The following SLC6A16 variants were observed in gnomAD, a reference collection of about 807,000 sequenced individuals.
SLC6A16 encodes orphan sodium- and chloride-dependent neurotransmitter transporter NTT5.
In SLC6A16, 54 loss-of-function variants were observed where a neutral mutation model predicts 65.4. The ratio of observed to expected loss-of-function variants is 0.83; its 90% CI spans 0.66 to 1.04. The LOEUF is 1.04. Ranked by LOEUF, SLC6A16 falls within the 50% of genes least tolerant of loss-of-function variation. The pLI, the probability that SLC6A16 is intolerant of heterozygous loss-of-function variation, is 0.00. For synonymous variants in SLC6A16, 330 were observed against 346.5 expected (o/e 0.95, Z 0.53); for missense variants, 816 against 914.0 (o/e 0.89, Z 1.38).
intron 1 of SLC6A16, among the ~76,000 whole-genome samples, chr19:49,322,317 T>G (rs1970725083): frequency 6.6e-6 from 1 of 152,136 alleles, no homozygotes; most frequent in African/African-American, 2.4e-5. Flanking sequence ...CAATTCCATT[T>G]GTAATAGCAT....
chr19:49,328,289 G>A (rs1198342606), upstream of SLC6A16, among the ~76,000 whole-genome samples: 1 of 152,118 alleles, frequency 6.6e-6, no homozygotes, highest in Admixed American at 6.5e-5. Flanking sequence ...AAGGAGGGAA[G>A]AGCCCCTTAT....
In SLC6A16 at chr19:49,325,176, C is replaced by G. The variant is rs894010515; in HGVS notation, c.-193G>C. On this transcript the variant is annotated 5_prime_UTR_variant, in exon 1 of 12. Coordinates refer to ENST00000335875, the MANE Select transcript of SLC6A16 (RefSeq NM_014037.3). ...TCAGGCGTCGACAGATCGGTTTGGG[C>G]GACACCCCTCGATCTGCCTGGCGCG... is the stretch of plus-strand genomic sequence containing the variant. 3 of 985,338 alleles carry G rather than the reference C, an allele frequency of 3.0e-6. No individual in the cohort carries two copies. In the African/African-American group the frequency reaches 5.2e-5, roughly 17 times the overall value. The allele number at this position is 985,338 out of a possible 1,614,324, so 61.0% of individuals were successfully genotyped here. A position where few individuals can be genotyped will look rare whatever the true frequency, so the allele number is the denominator to read the frequency against.
At chr19:49,304,013 G>A (rs1227268475) in intron 7 of SLC6A16, among the ~76,000 whole-genome samples, 1 of 152,192 alleles carries the variant, frequency 6.6e-6, no homozygotes, top group Non-Finnish European at 1.5e-5. Flanking sequence ...GGCTACAAGA[G>A]TTTGACACTG....
At chr19:49,323,986 T>C (rs1417578764) in intron 1 of SLC6A16, among the ~76,000 whole-genome samples, 1 of 152,118 alleles carries the variant, frequency 6.6e-6, no homozygotes, top group Non-Finnish European at 1.5e-5. Flanking sequence ...GAGGTGATCA[T>C]GCCACTGGAC....
intron 2 of SLC6A16, 52 bp downstream of exon 2, chr19:49,310,881 C>T: frequency 7.5e-7 from 1 of 1,332,276 alleles, no homozygotes; most frequent in East Asian, 2.3e-5. Context: ...CTGGACAGGA[C>T]TCTGTCCTGA....
the SLC6A16 span, chr19:49,335,275 A>C: frequency 1.6e-5 from 8 of 503,582 alleles, no homozygotes; most frequent in Admixed American, 7.4e-5. This position sits in a 1 kb window ranked among gnomAD's most constrained non-coding sequence, Gnocchi z 4.6. Context: ...TGGTGCCCAC[A>C]AATTCCAAGG....
intron 1 of SLC6A16, among the ~76,000 whole-genome samples, chr19:49,317,544 C>T (rs353981): frequency 0.43 from 65,779 of 151,834 alleles, 15,197 homozygotes; most frequent in Admixed American, 0.55. Context: ...CCGTGGCTCA[C>T]GCCTGTAATC....
chr19:49,337,894 A>G, the SLC6A16 span: 1 of 1,613,344 alleles, frequency 6.2e-7, no homozygotes, highest in Non-Finnish European at 8.5e-7. Context: ...GGCGGGGAAG[A>G]TAAGGCCCAG....
chr19:49,300,579 C>G (rs1018767069), intron 7 of SLC6A16, among the ~76,000 whole-genome samples: 13 of 151,798 alleles, frequency 8.6e-5, no homozygotes, highest in African/African-American at 3.1e-4. Flanking sequence ...TGATAAATAA[C>G]TACTAAGTCA....
upstream of SLC6A16, chr19:49,325,256 C>G: frequency 2.0e-6 from 2 of 985,432 alleles, no homozygotes; most frequent in Non-Finnish European, 2.4e-6. Context: ...TCACTCTTTC[C>G]CTACAGCTGT....
rs116030190 is a variant in SLC6A16, at chr19:49,292,014, C to T, written c.1778+1209G>A. ...AGCTCTACCTTCCAGAATCAGACCA[C>T]TTCTCTTAATCCACAACTCTTCTAC... On this transcript the variant is annotated intron_variant, in intron 10 of 11. Coordinates refer to ENST00000335875, the MANE Select transcript of SLC6A16 (RefSeq NM_014037.3). This position sits in a 1 kb window ranked among gnomAD's most constrained non-coding sequence, Gnocchi z 4.3. 4.6e-3 allele frequency among the ~76,000 whole-genome samples: 699 copies of T among 152,354 alleles called. 2 individuals are homozygous for T. Among genetic ancestry groups the T allele is most frequent in the African/African-American group, 0.016 (666 of 41,582 alleles).
At position 49,299,989 on chromosome 19, in the gene SLC6A16, C is replaced by T. The variant is rs1050378370; in HGVS notation, c.1230-5436G>A. Among the ~76,000 whole-genome samples the T allele has an allele frequency of 4.7e-5, 6 of 126,736 alleles. No homozygotes were observed. The Admixed American group carries it at 5.3e-4, about 11-fold the overall frequency. 83.1% of individuals were successfully genotyped at this position (126,736 alleles called of 152,430 possible). A position where few individuals can be genotyped will look rare whatever the true frequency, so the allele number is the denominator to read the frequency against. On this transcript the variant is annotated intron_variant, in intron 7 of 11. Coordinates refer to ENST00000335875, the MANE Select transcript of SLC6A16 (RefSeq NM_014037.3). Reference sequence around the variant, plus strand: ...CTCTAGCCTCAGCGACAGAGTGAGACTCTGTCTCAAAAAAAAAAAAAAAAA... The same window carrying T: ...CTCTAGCCTCAGCGACAGAGTGAGATTCTGTCTCAAAAAAAAAAAAAAAAA...
chr19:49,327,754 T>G (rs1295688831), upstream of SLC6A16, among the ~76,000 whole-genome samples: 1 of 152,164 alleles, frequency 6.6e-6, no homozygotes, highest in African/African-American at 2.4e-5. Flanking sequence ...GAAAGTGATA[T>G]TTCAGCAGAG....
At chr19:49,322,631 T>C (rs1970730548) in intron 1 of SLC6A16, among the ~76,000 whole-genome samples, 2 of 106,762 alleles carry the variant, frequency 1.9e-5, no homozygotes, top group South Asian at 6.6e-4. Flanking sequence ...TGAAACTCCA[T>C]CTCAAAAAAA....
intron 1 of SLC6A16, among the ~76,000 whole-genome samples, chr19:49,318,576 A>G (rs1239534849): frequency 6.6e-6 from 1 of 152,210 alleles, no homozygotes; most frequent in African/African-American, 2.4e-5. Context: ...AAAAACAGAA[A>G]TGATAGACTA....
At chr19:49,295,025 C>T (rs369246278) in intron 7 of SLC6A16, among the ~76,000 whole-genome samples, 2 of 152,146 alleles carry the variant, frequency 1.3e-5, no homozygotes, top group East Asian at 3.9e-4. Context: ...TATGTCCCTA[C>T]GGCCCTCTTC....
chr19:49,325,903 C>A (rs966632148), upstream of SLC6A16, among the ~76,000 whole-genome samples: 27 of 152,090 alleles, frequency 1.8e-4, no homozygotes, highest in Non-Finnish European at 2.1e-4. Flanking sequence ...GTGGCTGACG[C>A]CTGTAATCCC....
chr19:49,302,868 G>A (rs2146102298), intron 7 of SLC6A16, among the ~76,000 whole-genome samples: 1 of 152,264 alleles, frequency 6.6e-6, no homozygotes, highest in Non-Finnish European at 1.5e-5. Context: ...GGCTTCAACA[G>A]CTGACTAGAA....
At chr19:49,319,922 T>C (rs920170732) in intron 1 of SLC6A16, among the ~76,000 whole-genome samples, 1 of 151,986 alleles carries the variant, frequency 6.6e-6, no homozygotes, top group Non-Finnish European at 1.5e-5. Context: ...AAAAGTAAAA[T>C]TGAAAATTTT....
Sources: allele counts gnomAD v4.1 joint callset (sites outside exome capture counted in the v4.1 genomes callset), GRCh38; gene constraint gnomAD v4.1.1; non-coding constraint Gnocchi (gnomAD v3.1); transcripts MANE v1.5; gene names NCBI Gene and HGNC (gene_info 2026-07-23, HGNC 2026-07-21).